LIPI: variants seen among roughly 807,000 people sequenced by gnomAD.
The protein encoded by LIPI is lipase member I.
LIPI carries 59 observed loss-of-function variants against 50.6 expected under a neutral mutation model. The ratio of observed to expected loss-of-function variants is 1.16; its 90% CI spans 0.94 to 1.45. The LOEUF (loss-of-function observed/expected upper bound fraction) is 1.45. Ranked by LOEUF, LIPI falls within the 40% of genes most tolerant of loss-of-function variation. The pLI is 0.00. For synonymous variants in LIPI, 203 were observed against 178.2 expected (o/e 1.14, Z -1.11); for missense variants, 586 against 536.3 (o/e 1.09, Z -0.92).
At chr21:14,114,690 G>C (rs2016555447) in intron 9 of LIPI, among the ~76,000 whole-genome samples, 1 of 152,198 alleles carries the variant, frequency 6.6e-6, no homozygotes, top group Non-Finnish European at 1.5e-5. Flanking sequence ...GGACATGCCT[G>C]AGTCATGCAG....
intron 9 of LIPI, among the ~76,000 whole-genome samples, chr21:14,142,221 G>C (rs56254438): frequency 0.011 from 1,711 of 152,090 alleles, 29 homozygotes; most frequent in African/African-American, 0.039. Context: ...TAGATGACAG[G>C]TTGATGGGTG....
chr21:14,154,315 T>C lies in LIPI; in HGVS notation c.1007-1631A>G, dbSNP rs530749036. On this transcript the variant is annotated intron_variant, in intron 7 of 9. Transcript: ENST00000681601. ...GTGCTGAGCATATAAACTTTCAATATAGAATTCTGTCCTAAACTATCTTTT... is the reference window on the plus strand; with the variant it reads ...GTGCTGAGCATATAAACTTTCAATACAGAATTCTGTCCTAAACTATCTTTT... Among the ~76,000 whole-genome samples, 13 of 152,186 alleles carry C rather than the reference T, an allele frequency of 8.5e-5. No homozygotes were observed. The East Asian group carries it at 1.7e-3, about 20-fold the overall frequency.
chr21:14,120,820 AC>A (rs139972366), intron 9 of LIPI, among the ~76,000 whole-genome samples: 19,420 of 152,192 alleles, frequency 0.13, 1,619 homozygotes, highest in East Asian at 0.41. Context: ...TCACCAAGGA[AC>A]ACACATGGGG....
At chr21:14,147,492 T>C (rs1181659220) in intron 8 of LIPI, among the ~76,000 whole-genome samples, 4 of 152,098 alleles carry the variant, frequency 2.6e-5, no homozygotes, top group Non-Finnish European at 4.4e-5. Context: ...ATTGTTTGAA[T>C]AGTAGAATGA....
chr21:14,183,612 C>T (rs1030740483), intron 3 of LIPI, among the ~76,000 whole-genome samples: 2 of 152,078 alleles, frequency 1.3e-5, no homozygotes, highest in African/African-American at 2.4e-5. Context: ...CTACAATGAA[C>T]TCAAACAAAT....
At chr21:14,122,725 C>A (rs1176497090) in intron 9 of LIPI, among the ~76,000 whole-genome samples, 1 of 152,194 alleles carries the variant, frequency 6.6e-6, no homozygotes, top group African/African-American at 2.4e-5. Flanking sequence ...GTGACTAACA[C>A]ATGCAACCCC....
At chr21:14,153,115 A>T (rs1342605575) in intron 7 of LIPI, among the ~76,000 whole-genome samples, 1 of 152,202 alleles carries the variant, frequency 6.6e-6, no homozygotes, top group Non-Finnish European at 1.5e-5. Flanking sequence ...TCCTAATTTC[A>T]CTGGCTGTTC....
chr21:14,156,547 C>T (rs1044112242), intron 7 of LIPI, among the ~76,000 whole-genome samples: 8 of 152,010 alleles, frequency 5.3e-5, no homozygotes, highest in Middle Eastern at 3.4e-3. Flanking sequence ...CTGTATTAGA[C>T]TTCTGGACTA....
At chr21:14,134,705 C>A (rs2017425335) in intron 9 of LIPI, among the ~76,000 whole-genome samples, 1 of 152,030 alleles carries the variant, frequency 6.6e-6, no homozygotes, top group Non-Finnish European at 1.5e-5. Flanking sequence ...ACAGCCAATT[C>A]AATAAATAGT....
intron 9 of LIPI, among the ~76,000 whole-genome samples, chr21:14,132,674 A>T (rs1056333275): frequency 6.6e-6 from 1 of 152,188 alleles, no homozygotes; most frequent in Admixed American, 6.5e-5. Flanking sequence ...GGAAGAAGAT[A>T]CAGGAATAAA....
chr21:14,111,874 G>T lies in LIPI; in HGVS notation c.1296-2794C>A, dbSNP rs192738675. Among the ~76,000 whole-genome samples the T allele has an allele frequency of 4.3e-3, 656 of 151,970 alleles. 4 individuals carry two copies. The highest frequency in any genetic ancestry group is 0.015 in the African/African-American group (621 of 41,486). On this transcript the variant is annotated intron_variant, in intron 9 of 9. Coordinates refer to ENST00000681601, the MANE Select transcript of LIPI (RefSeq NM_001302998.2). The stretch of plus-strand genomic sequence containing the variant: ...TTTTGTTTTTTTAAAATAGATTCAG[G>T]GGGTACATGTGCAGGTTTGTTACAA...
intron 2 of LIPI, 119 bp downstream of exon 2, chr21:14,188,915 A>AT (rs2123279934): frequency 1.1e-6 from 1 of 885,410 alleles, no homozygotes; most frequent in East Asian, 2.4e-5. Context: ...GTTAATGCTT[A>AT]TGGGGAAAAG....
At chr21:14,163,884 A>G (rs1249824811) in intron 6 of LIPI, among the ~76,000 whole-genome samples, 2 of 151,696 alleles carry the variant, frequency 1.3e-5, no homozygotes, top group Non-Finnish European at 2.9e-5. Context: ...TAAAACTTAA[A>G]CATACAATAT....
chr21:14,151,782 C>T (rs933468390), intron 8 of LIPI, among the ~76,000 whole-genome samples: 1 of 151,876 alleles, frequency 6.6e-6, no homozygotes, highest in Non-Finnish European at 1.5e-5. Flanking sequence ...ATTATATAAC[C>T]TTAAAATATG....
chr21:14,120,705 T>C (rs147853475), intron 9 of LIPI, among the ~76,000 whole-genome samples: 16 of 152,330 alleles, frequency 1.1e-4, no homozygotes, highest in Middle Eastern at 3.4e-3. Context: ...GAAGGTGTGG[T>C]TCACACAGGA....
chr21:14,121,332 C>T (rs943083062), intron 9 of LIPI, among the ~76,000 whole-genome samples: 1 of 152,110 alleles, frequency 6.6e-6, no homozygotes, highest in Non-Finnish European at 1.5e-5. Context: ...GAAGTTTTGC[C>T]AAGAGACTCA....
chr21:14,140,452 C>A (rs2017664854), intron 9 of LIPI, among the ~76,000 whole-genome samples: 1 of 151,864 alleles, frequency 6.6e-6, no homozygotes. Context: ...CAAAAGTTTT[C>A]TCAGTTTACT....
chr21:14,131,612 C>T (rs2017298240), intron 9 of LIPI, among the ~76,000 whole-genome samples: 1 of 152,096 alleles, frequency 6.6e-6, no homozygotes, highest in African/African-American at 2.4e-5. Context: ...GACTGCTACA[C>T]CAGATGTGTA....
chr21:14,191,364 A>G (rs1249266749), intron 1 of LIPI, among the ~76,000 whole-genome samples: 25 of 141,108 alleles, frequency 1.8e-4, no homozygotes, highest in Non-Finnish European at 3.4e-4. Context: ...GCGACAGAGC[A>G]AGACTCCGTC....
Sources: allele counts gnomAD v4.1 joint callset (sites outside exome capture counted in the v4.1 genomes callset), GRCh38; gene constraint gnomAD v4.1.1; transcripts MANE v1.5; gene names NCBI Gene and HGNC (gene_info 2026-07-23, HGNC 2026-07-21).